AZIN2: variants seen among roughly 807,000 people sequenced by gnomAD.
AZIN2 encodes antizyme inhibitor 2.
In AZIN2, 28 loss-of-function variants were observed where a neutral mutation model predicts 47.8. The observed-to-expected ratio is 0.59, with a 90% CI of 0.43 to 0.80. The LOEUF is 0.80. Among genes scored for constraint, AZIN2 ranks in the 30% least tolerant of loss-of-function variants. AZIN2 has a pLI of 0.00. For synonymous variants in AZIN2, 221 were observed against 239.4 expected (o/e 0.92, Z 0.71); for missense variants, 535 against 582.5 (o/e 0.92, Z 0.84).
At chr1:33,133,764 A>G in the AZIN2 span, among the ~76,000 whole-genome samples, 1 of 152,344 alleles carries the variant, frequency 6.6e-6, no homozygotes, top group South Asian at 2.1e-4. Flanking sequence ...CTGGGCTCCC[A>G]CGACACGGAG....
At chr1:33,159,570 T>G in the AZIN2 span, 5 of 1,383,164 alleles carry the variant, frequency 3.6e-6, no homozygotes, top group Non-Finnish European at 4.8e-6. This position sits in a 1 kb window ranked among gnomAD's most constrained non-coding sequence, Gnocchi z 4.2. Context: ...AAATGTTTGA[T>G]GAAGATTTGA....
chr1:33,102,014 A>G, intron 10 of AZIN2: 1 of 653,468 alleles, frequency 1.5e-6, no homozygotes, highest in Non-Finnish European at 2.8e-6. Flanking sequence ...CCTCTCTCTG[A>G]TGAGTGAGCA....
At chr1:33,102,082 A>C (rs566964137) in intron 10 of AZIN2, among the ~76,000 whole-genome samples, 2 of 152,296 alleles carry the variant, frequency 1.3e-5, no homozygotes, top group East Asian at 3.9e-4. Flanking sequence ...AGAAAATGCC[A>C]AACAATTTTC....
In AZIN2 at chr1:33,081,980, G is replaced by A. The variant is rs1259272743; in HGVS notation, c.-73+168G>A. On this transcript the variant is annotated intron_variant, in intron 3 of 11. Coordinates refer to ENST00000294517, the MANE Select transcript of AZIN2 (RefSeq NM_052998.4). This position sits in a 1 kb window ranked among gnomAD's most constrained non-coding sequence, Gnocchi z 4.2. ...ACAGAGGGAGCAACTGACTCGGAGA[G>A]GCAGTGACATTTGGGCATACGGTGC... 2.1e-6 allele frequency: 1 copy of A among 475,380 alleles called. No individual in the cohort carries two copies. The highest frequency in any genetic ancestry group is 4.3e-5 in the East Asian group (1 of 23,372). 29.4% of individuals were successfully genotyped at this position (475,380 alleles called of 1,614,324 possible). A position where few individuals can be genotyped will look rare whatever the true frequency, so the allele number is the denominator to read the frequency against.
intron 3 of AZIN2, 66 bp from the exon 4 acceptor site, chr1:33,082,112 C>T: frequency 2.8e-6 from 2 of 719,586 alleles, no homozygotes; most frequent in Non-Finnish European, 4.9e-6. Flanking sequence ...TCCCTGGCCT[C>T]GGGAGGCGAG....
At chr1:33,128,498 T>C in the AZIN2 span, among the ~76,000 whole-genome samples, 1 of 152,234 alleles carries the variant, frequency 6.6e-6, no homozygotes, top group Non-Finnish European at 1.5e-5. Context: ...ACGTATGAAG[T>C]AACTTGTCTA....
At chr1:33,087,136 T>G (rs901296952) in intron 5 of AZIN2, among the ~76,000 whole-genome samples, 1 of 138,692 alleles carries the variant, frequency 7.2e-6, no homozygotes, top group African/African-American at 3.0e-5. Context: ...TATGTAGTAT[T>G]TTTTTTTTTT....
At chr1:33,090,493 G>A (rs1642412767) in intron 5 of AZIN2, among the ~76,000 whole-genome samples, 1 of 152,220 alleles carries the variant, frequency 6.6e-6, no homozygotes, top group South Asian at 2.1e-4. Context: ...GCACAGAGTA[G>A]GCCTTTGGAG....
chr1:33,161,188 C>T, the AZIN2 span, among the ~76,000 whole-genome samples: 1 of 152,240 alleles, frequency 6.6e-6, no homozygotes, highest in Non-Finnish European at 1.5e-5. This position sits in a 1 kb window ranked among gnomAD's most constrained non-coding sequence, Gnocchi z 4.3. Context: ...TTATTGAAGA[C>T]TGCAATTCTA....
At chr1:33,132,456 A>C in the AZIN2 span, among the ~76,000 whole-genome samples, 4 of 152,336 alleles carry the variant, frequency 2.6e-5, no homozygotes, top group South Asian at 8.3e-4. Flanking sequence ...ATAGTTTGTC[A>C]ACCCCTAAAC....
intron 10 of AZIN2, among the ~76,000 whole-genome samples, chr1:33,112,548 A>C (rs950187951): frequency 8.5e-5 from 13 of 152,230 alleles, no homozygotes; most frequent in African/African-American, 3.1e-4. Flanking sequence ...AAAATGATGA[A>C]CATGAAAGTG....
chr1:33,153,877 G>A, the AZIN2 span, among the ~76,000 whole-genome samples: 1 of 152,222 alleles, frequency 6.6e-6, no homozygotes, highest in East Asian at 1.9e-4. Flanking sequence ...TAGCTGCTGG[G>A]AGTGAATCAG....
intron 5 of AZIN2, among the ~76,000 whole-genome samples, chr1:33,090,663 C>G (rs1012953546): frequency 3.9e-5 from 6 of 152,178 alleles, no homozygotes; most frequent in African/African-American, 1.4e-4. Context: ...GGTTAACAAG[C>G]TAATTAGGCA....
chr1:33,144,866 A>G, the AZIN2 span, among the ~76,000 whole-genome samples: 1 of 152,178 alleles, frequency 6.6e-6, no homozygotes, highest in African/African-American at 2.4e-5. Context: ...AAACCCATAC[A>G]GCTCCAGGCA....
intron 10 of AZIN2, among the ~76,000 whole-genome samples, chr1:33,114,652 CTTTTTT>C (rs35317929): frequency 2.5e-5 from 2 of 79,866 alleles, no homozygotes; most frequent in African/African-American, 1.2e-4. Flanking sequence ...CGCGACCCGC[CTTTTTT>C]TTTTTTTTTT....
chr1:33,110,095 T>C (rs942371327), intron 10 of AZIN2, among the ~76,000 whole-genome samples: 1 of 152,178 alleles, frequency 6.6e-6, no homozygotes, highest in African/African-American at 2.4e-5. Context: ...AAAAAGCCCA[T>C]TCTACAGAGA....
chr1:33,083,741 A>AG, intron 4 of AZIN2: 1 of 593,714 alleles, frequency 1.7e-6, no homozygotes, highest in East Asian at 2.9e-5. Flanking sequence ...AGCCGCATTG[A>AG]GGGGAGGGAT....
intron 10 of AZIN2, among the ~76,000 whole-genome samples, chr1:33,110,048 A>C (rs983695133): frequency 5.3e-5 from 8 of 152,206 alleles, no homozygotes; most frequent in African/African-American, 1.9e-4. Context: ...TGAGAACCCA[A>C]AAGAAGTACA....
downstream of AZIN2, among the ~76,000 whole-genome samples, chr1:33,127,348 C>G (rs1310440266): frequency 2.0e-5 from 3 of 152,256 alleles, no homozygotes; most frequent in Non-Finnish European, 4.4e-5. Flanking sequence ...GGCTTCGAGC[C>G]ACGCGATGTC....
Sources: gnomAD v4.1 joint callset for allele counts (sites outside exome capture counted in the v4.1 genomes callset) on GRCh38, gnomAD v4.1.1 for gene constraint, Gnocchi (gnomAD v3.1) non-coding constraint, MANE v1.5 for transcripts, NCBI Gene and HGNC (gene_info 2026-07-23, HGNC 2026-07-21) for gene names.